Variants in CAST observed in about 807,000 individuals in gnomAD.
CAST encodes MIR583 host.
Under a neutral mutation model 119.6 loss-of-function variants are expected in CAST, and 76 were observed. The observed-to-expected ratio is 0.64, with a 90% CI of 0.53 to 0.77. The LOEUF (loss-of-function observed/expected upper bound fraction) is 0.77. Ranked by LOEUF, CAST falls within the 30% of genes least tolerant of loss-of-function variation. The pLI, the probability that CAST is intolerant of heterozygous loss-of-function variation, is 0.00. For missense variants in CAST, 953 were observed against 946.5 expected (o/e 1.01, Z -0.09); for synonymous variants, 319 against 331.6 (o/e 0.96, Z 0.41).
upstream of CAST, among the ~76,000 whole-genome samples, chr5:96,661,003 G>C (rs1451500626): frequency 1.3e-5 from 2 of 151,434 alleles, no homozygotes. Flanking sequence ...TCAAAATTAA[G>C]AATGCTGCTA....
chr5:96,181,965 C>G, the CAST span, among the ~76,000 whole-genome samples: 1 of 152,160 alleles, frequency 6.6e-6, no homozygotes, highest in Non-Finnish European at 1.5e-5. Context: ...GTTTTCAAAA[C>G]AGCATTTTTC....
chr5:96,680,300 A>G (rs1751206767), intron 2 of CAST, among the ~76,000 whole-genome samples: 1 of 139,002 alleles, frequency 7.2e-6, no homozygotes, highest in Non-Finnish European at 1.5e-5. Flanking sequence ...GGTTGCAGGG[A>G]GCCAAGATCA....
At chr5:96,329,201 T>G in the CAST span, among the ~76,000 whole-genome samples, 1 of 152,114 alleles carries the variant, frequency 6.6e-6, no homozygotes, top group Non-Finnish European at 1.5e-5. Flanking sequence ...TGTGCAAGAG[T>G]GCAATTAGCC....
At chr5:96,696,070 T>A in intron 3 of CAST, 163 bp downstream of exon 3, 2 of 410,948 alleles carry the variant, frequency 4.9e-6, no homozygotes, top group African/African-American at 2.0e-5. Context: ...TTCTTAATAA[T>A]GATGTGAATG....
chr5:96,404,589 A>C, the CAST span, among the ~76,000 whole-genome samples: 1 of 152,064 alleles, frequency 6.6e-6, no homozygotes, highest in South Asian at 2.1e-4. Flanking sequence ...CTTATAAGAA[A>C]CTCATAAATG....
the CAST span, chr5:96,422,048 G>A: frequency 6.7e-6 from 5 of 748,074 alleles, no homozygotes; most frequent in African/African-American, 9.4e-5. Flanking sequence ...CTTACCCTAT[G>A]CCTTCCCATC....
chr5:96,425,008 A>G, the CAST span, among the ~76,000 whole-genome samples: 2 of 117,476 alleles, frequency 1.7e-5, no homozygotes, highest in Admixed American at 9.4e-5. Flanking sequence ...AGAAAGAAAG[A>G]AAAGAAAGAA....
At chr5:96,382,261 A>G in the CAST span, among the ~76,000 whole-genome samples, 2 of 152,188 alleles carry the variant, frequency 1.3e-5, no homozygotes, top group Non-Finnish European at 2.9e-5. Context: ...TTTATCATGC[A>G]TCTTCACCAC....
At chr5:96,414,444 G>A in the CAST span, among the ~76,000 whole-genome samples, 1 of 152,220 alleles carries the variant, frequency 6.6e-6, no homozygotes, top group African/African-American at 2.4e-5. Context: ...TGGGGAGCCA[G>A]AATTTGAACC....
the CAST span, among the ~76,000 whole-genome samples, chr5:96,419,337 T>C: frequency 2.0e-5 from 3 of 147,808 alleles, no homozygotes; most frequent in Non-Finnish European, 4.5e-5. Context: ...AAAACCTCAC[T>C]TTAACCCCTA....
At chr5:96,627,825 C>G (rs902064938) in intron 1 of CAST, among the ~76,000 whole-genome samples, 7 of 152,216 alleles carry the variant, frequency 4.6e-5, no homozygotes, top group African/African-American at 1.7e-4. Context: ...CAAGTCCTAT[C>G]CCTTAGAAGC....
the CAST span, among the ~76,000 whole-genome samples, chr5:96,191,608 A>T: frequency 5.9e-5 from 9 of 152,324 alleles, no homozygotes; most frequent in Middle Eastern, 3.4e-3. Flanking sequence ...GTATCAAATA[A>T]TAGCTGAGAT....
intron 1 of CAST, among the ~76,000 whole-genome samples, chr5:96,575,806 C>G (rs965604588): frequency 6.6e-6 from 1 of 152,072 alleles, no homozygotes; most frequent in African/African-American, 2.4e-5. Context: ...CGATGCCCAG[C>G]TAATTTTTTA....
At chr5:96,145,158 A>G in the CAST span, among the ~76,000 whole-genome samples, 1 of 152,238 alleles carries the variant, frequency 6.6e-6, no homozygotes, top group East Asian at 1.9e-4. Flanking sequence ...GTTAATAGCT[A>G]TGATCACTTA....
intron 3 of CAST, chr5:96,702,748 A>AG (rs1475753541): frequency 1.2e-5 from 12 of 984,650 alleles, no homozygotes; most frequent in Admixed American, 1.2e-4. Flanking sequence ...GCCGCCGGGC[A>AG]GGGGGGCGGG....
At chr5:96,502,029 C>T in the CAST span, among the ~76,000 whole-genome samples, 148 of 152,286 alleles carry the variant, frequency 9.7e-4, no homozygotes, top group African/African-American at 3.5e-3. Flanking sequence ...ATTAAGTACA[C>T]AGGACTTTAT....
chr5:96,311,699 T>C, the CAST span, among the ~76,000 whole-genome samples: 1 of 152,098 alleles, frequency 6.6e-6, no homozygotes, highest in Non-Finnish European at 1.5e-5. Context: ...AAGTTTATTT[T>C]GTCTGACATA....
At chr5:96,486,065 G>C in the CAST span, among the ~76,000 whole-genome samples, 1 of 152,100 alleles carries the variant, frequency 6.6e-6, no homozygotes, top group Non-Finnish European at 1.5e-5. Context: ...CCTTTACTAA[G>C]TTAAACAACA....
At chr5:96,215,890 C>G in the CAST span, among the ~76,000 whole-genome samples, 1 of 152,172 alleles carries the variant, frequency 6.6e-6, no homozygotes, top group African/African-American at 2.4e-5. Context: ...TCACTGCAAC[C>G]TCTGCCTCTC....
Sources: allele counts gnomAD v4.1 joint callset (sites outside exome capture counted in the v4.1 genomes callset), GRCh38; gene constraint gnomAD v4.1.1; transcripts MANE v1.5; gene names NCBI Gene and HGNC (gene_info 2026-07-23, HGNC 2026-07-21).